The following CHD9 variants were observed in gnomAD, a reference collection of about 807,000 sequenced individuals.
The protein encoded by CHD9 is chromodomain helicase DNA binding protein 9.
CHD9 carries 77 observed loss-of-function variants against 316.1 expected under a neutral mutation model. The ratio of observed to expected loss-of-function variants is 0.24; its 90% CI spans 0.20 to 0.29. The LOEUF (loss-of-function observed/expected upper bound fraction) is 0.29, where lower values mean the gene tolerates loss of function less well. Ranked by LOEUF, CHD9 falls within the 10% of genes least tolerant of loss-of-function variation. The probability of loss-of-function intolerance (pLI) is 1.00; values close to 1 mark genes in which losing one functional copy is unlikely to be tolerated. For missense variants in CHD9, 2,763 were observed against 3,438.1 expected (o/e 0.80, Z 4.91); for synonymous variants, 1,129 against 1,158.3 (o/e 0.97, Z 0.51).
At chr16:53,056,832 G>C (rs2152489372) in intron 1 of CHD9, among the ~76,000 whole-genome samples, 1 of 152,330 alleles carries the variant, frequency 6.6e-6, no homozygotes, top group African/African-American at 2.4e-5. Context: ...AGAGAAACAG[G>C]AAGAAAGTGC....
intron 1 of CHD9, among the ~76,000 whole-genome samples, chr16:53,084,593 A>G (rs181226609): frequency 2.7e-4 from 41 of 152,316 alleles, no homozygotes; most frequent in Admixed American, 8.5e-4. Flanking sequence ...AATACAAAAA[A>G]TTAGCCGGGC....
chr16:53,205,417 G>C (rs2045821137), intron 2 of CHD9, among the ~76,000 whole-genome samples: 2 of 151,904 alleles, frequency 1.3e-5, no homozygotes, highest in African/African-American at 4.8e-5. Context: ...ACTTAGAAGA[G>C]GAAAAAAACC....
chr16:53,305,239 T>A (rs1296996352), intron 31 of CHD9, among the ~76,000 whole-genome samples: 3 of 151,598 alleles, frequency 2.0e-5, no homozygotes, highest in African/African-American at 7.3e-5. Context: ...TTTTTGTATT[T>A]TTGTAGAGAC....
chr16:53,096,803 C>G (rs2036414512), intron 1 of CHD9, among the ~76,000 whole-genome samples: 1 of 152,098 alleles, frequency 6.6e-6, no homozygotes. Context: ...CTGGTGACAG[C>G]CTTCTTGCTT....
At position 53,077,835 on chromosome 16, in the gene CHD9, AG is replaced by A. The variant is rs569271459; in HGVS notation, c.-165+22760del. 2.3e-3 allele frequency among the ~76,000 whole-genome samples: 357 copies of A among 152,250 alleles called. 3 individuals carry two copies. The highest frequency in any genetic ancestry group is 8.3e-3 in the African/African-American group (344 of 41,562). On this transcript the variant is annotated intron_variant, in intron 1 of 38. Transcript: ENST00000447540. Reference sequence around the variant, plus strand: ...ACCCCTGTAATTCTAACACTTTGGGAGGCCAAGTCAGGTGGATCACTTGAGG... The same window carrying A: ...ACCCCTGTAATTCTAACACTTTGGGAGCCAAGTCAGGTGGATCACTTGAGG...
chr16:53,197,725 C>G (rs2045056790), intron 2 of CHD9, among the ~76,000 whole-genome samples: 1 of 150,548 alleles, frequency 6.6e-6, no homozygotes, highest in Admixed American at 6.6e-5. Context: ...GGTGCGATCT[C>G]TGCGCCGCAA....
At chr16:53,215,815 A>C (rs1350221493) in intron 3 of CHD9, among the ~76,000 whole-genome samples, 1 of 152,200 alleles carries the variant, frequency 6.6e-6, no homozygotes, top group African/African-American at 2.4e-5. Context: ...GCAGGATTGA[A>C]ATAAGTGCAT....
chr16:53,283,493 A>C (rs571591884), intron 24 of CHD9, among the ~76,000 whole-genome samples: 2 of 152,260 alleles, frequency 1.3e-5, no homozygotes. Flanking sequence ...CTTCCACCTC[A>C]GATGGTAATC....
At chr16:53,171,914 C>T (rs1044805317) in intron 2 of CHD9, among the ~76,000 whole-genome samples, 1 of 150,480 alleles carries the variant, frequency 6.6e-6, no homozygotes, top group Non-Finnish European at 1.5e-5. Context: ...CAGGAAAGTA[C>T]CCCCTCATCC....
At chr16:53,109,391 A>G (rs2037644059) in intron 1 of CHD9, among the ~76,000 whole-genome samples, 1 of 152,188 alleles carries the variant, frequency 6.6e-6, no homozygotes, top group Admixed American at 6.5e-5. Flanking sequence ...TTCAGGAAAC[A>G]CTGAAAGTTT....
rs1343756213 is a variant in CHD9 at position 53,308,804 on chromosome 16, G to A, written c.7172G>A (p.Ser2391Asn). The change falls in exon 34 of 39, where the codon AGT (serine) becomes AAT (asparagine). Residue 2391 changes from serine (S) to asparagine (N), a missense_variant. Physicochemically the swap from Ser to Asn is conservative, Grantham distance 46. Transcript: ENST00000447540. The part of the protein sequence containing the change: ...QYLTRLRELQ[S>N]ASETSLVNFP... ...CTCACTCGGCTTCGAGAGCTTCAAA[G>A]TGCATCAGAGACCAGCCTCGTCAAT... 6.2e-7 allele frequency: 1 copy of A among 1,613,788 alleles called. No individual in the cohort carries two copies.
At chr16:53,141,726 G>A (rs1321584111) in intron 1 of CHD9, among the ~76,000 whole-genome samples, 1 of 152,124 alleles carries the variant, frequency 6.6e-6, no homozygotes, top group African/African-American at 2.4e-5. Flanking sequence ...ATCTTGTTTA[G>A]TAGGGATAAA....
chr16:53,209,958 C>A, intron 3 of CHD9, 145 bp downstream of exon 3: 1 of 609,142 alleles, frequency 1.6e-6, no homozygotes, highest in Non-Finnish European at 2.8e-6. Flanking sequence ...TATTTCATTG[C>A]CGAATGAATT....
chr16:53,243,613 A>G (rs72799616), intron 13 of CHD9, among the ~76,000 whole-genome samples: 2,024 of 152,248 alleles, frequency 0.013, 21 homozygotes, highest in Non-Finnish European at 0.021. Flanking sequence ...AATTTTTTGT[A>G]TTTTTAGTAG....
chr16:53,163,364 C>T (rs10083808), intron 2 of CHD9, among the ~76,000 whole-genome samples: 193 of 152,274 alleles, frequency 1.3e-3, no homozygotes, highest in Non-Finnish European at 1.8e-3. Context: ...GAATGCGCCA[C>T]CACGCCCGGC....
intron 36 of CHD9, 28 bp downstream of exon 36, chr16:53,315,072 T>C (rs776470705): frequency 2.6e-6 from 4 of 1,518,008 alleles, no homozygotes; most frequent in Non-Finnish European, 3.6e-6. Flanking sequence ...ATTCTTGTTA[T>C]ATTTTATTTT....
chr16:53,091,233 G>A (rs2035919252), intron 1 of CHD9, among the ~76,000 whole-genome samples: 1 of 152,206 alleles, frequency 6.6e-6, no homozygotes, highest in South Asian at 2.1e-4. Context: ...CCAGTGGTTG[G>A]CTGACAGCAT....
At chr16:53,218,154 A>T (rs1416438160) in intron 3 of CHD9, among the ~76,000 whole-genome samples, 1 of 152,110 alleles carries the variant, frequency 6.6e-6, no homozygotes, top group African/African-American at 2.4e-5. Context: ...AATACTATAT[A>T]TCTGAAATAT....
chr16:53,320,383 A>G (rs893943752), intron 37 of CHD9, among the ~76,000 whole-genome samples: 11 of 151,928 alleles, frequency 7.2e-5, no homozygotes, highest in Non-Finnish European at 1.3e-4. Flanking sequence ...TTAGCCAGGC[A>G]TGGTGGTGGG....
Sources: allele counts gnomAD v4.1 joint callset (sites outside exome capture counted in the v4.1 genomes callset), GRCh38; gene constraint gnomAD v4.1.1; transcripts MANE v1.5; gene names NCBI Gene and HGNC (gene_info 2026-07-23, HGNC 2026-07-21).